LEKR1: variants seen among roughly 807,000 people sequenced by gnomAD.
LEKR1 encodes the protein leucine, glutamate and lysine rich 1.
Under a neutral mutation model 72.4 loss-of-function variants are expected in LEKR1, and 59 were observed. The observed-to-expected ratio is 0.82, with a 90% CI of 0.66 to 1.01. The LOEUF (loss-of-function observed/expected upper bound fraction) is 1.01. Among genes scored for constraint, LEKR1 ranks in the 50% least tolerant of loss-of-function variants. LEKR1 has a pLI of 0.00. For synonymous variants in LEKR1, 257 were observed against 263.2 expected, an observed-to-expected ratio of 0.98 and a Z score of 0.23; for missense variants, 728 against 759.2, an observed-to-expected ratio of 0.96 and a Z score of 0.48.
intron 3 of LEKR1, among the ~76,000 whole-genome samples, chr3:156,875,823 G>A (rs753212120): frequency 9.2e-5 from 14 of 151,688 alleles, no homozygotes; most frequent in South Asian, 2.1e-4. Context: ...GTGAAACCCC[G>A]TCTCTACTAA....
At chr3:156,973,864 G>C (rs1729461446) in intron 6 of LEKR1, among the ~76,000 whole-genome samples, 1 of 152,112 alleles carries the variant, frequency 6.6e-6, no homozygotes, top group Non-Finnish European at 1.5e-5. Context: ...AAAAATAGCT[G>C]TTTCTAATGA....
At chr3:156,923,957 G>A (rs1235732555) in intron 4 of LEKR1, among the ~76,000 whole-genome samples, 3 of 152,168 alleles carry the variant, frequency 2.0e-5, no homozygotes, top group Non-Finnish European at 4.4e-5. Context: ...TCAATCTCTT[G>A]ACCTCATGAT....
chr3:157,044,312 A>G (rs1288373020), intron 12 of LEKR1, among the ~76,000 whole-genome samples: 2 of 152,266 alleles, frequency 1.3e-5, no homozygotes, highest in African/African-American at 4.8e-5. Flanking sequence ...CATGAATGTC[A>G]GGACACTGGG....
intron 3 of LEKR1, among the ~76,000 whole-genome samples, chr3:156,882,523 G>T (rs891094922): frequency 3.3e-5 from 5 of 152,074 alleles, no homozygotes; most frequent in South Asian, 2.1e-4. Flanking sequence ...AGAGGATGTG[G>T]AGAAATAGGA....
At chr3:156,909,903 CAT>C (rs1233172396) in intron 3 of LEKR1, among the ~76,000 whole-genome samples, 1 of 151,760 alleles carries the variant, frequency 6.6e-6, no homozygotes, top group Admixed American at 6.6e-5. Context: ...TTAACACTAA[CAT>C]ATATATGTTA....
intron 3 of LEKR1, among the ~76,000 whole-genome samples, chr3:156,881,026 A>G (rs1719266523): frequency 1.3e-5 from 2 of 152,306 alleles, no homozygotes; most frequent in African/African-American, 2.4e-5. Context: ...ATCTATGACA[A>G]ACCCACAGCC....
intron 10 of LEKR1, among the ~76,000 whole-genome samples, chr3:157,023,638 C>T (rs1205919380): frequency 3.3e-5 from 5 of 152,098 alleles, no homozygotes; most frequent in Admixed American, 1.3e-4. Context: ...TAAGGGAACT[C>T]GTTATAACCC....
At chr3:156,915,123 T>G (rs1453158357) in intron 3 of LEKR1, among the ~76,000 whole-genome samples, 2 of 152,078 alleles carry the variant, frequency 1.3e-5, no homozygotes, top group Non-Finnish European at 2.9e-5. Context: ...CATGATCTCA[T>G]TCTTTTTTTA....
At chr3:156,903,740 A>G (rs1247106945) in intron 3 of LEKR1, among the ~76,000 whole-genome samples, 1 of 152,236 alleles carries the variant, frequency 6.6e-6, no homozygotes, top group Non-Finnish European at 1.5e-5. Context: ...CATAGCAGGA[A>G]AAGTGGTTGT....
chr3:156,935,472 A>G (rs899998292), intron 5 of LEKR1, among the ~76,000 whole-genome samples: 2 of 152,196 alleles, frequency 1.3e-5, no homozygotes, highest in Non-Finnish European at 2.9e-5. Context: ...TTGCCTTTTT[A>G]ACAGTTTCTT....
intron 3 of LEKR1, among the ~76,000 whole-genome samples, chr3:156,898,534 T>G (rs1422771065): frequency 1.3e-5 from 2 of 152,166 alleles, no homozygotes; most frequent in Non-Finnish European, 2.9e-5. Context: ...GGCACCTTGA[T>G]CTTGGACTTC....
In LEKR1 at chr3:157,045,722, T is replaced by C. The variant is rs1190991811; in HGVS notation, c.2051T>C (p.Ile684Thr). 35 of 1,611,098 alleles carry C rather than the reference T, an allele frequency of 2.2e-5. No homozygotes were observed. The highest frequency in any genetic ancestry group is 2.8e-5 in the Non-Finnish European group (33 of 1,179,988). The change falls in exon 13 of 13, where the codon ATT becomes ACT. Residue 684 changes from isoleucine (I) to threonine (T), a missense_variant. By Grantham distance (89) the Ile-to-Thr change is moderately conservative. Transcript: ENST00000356539. ...GAGACTAGACAGAGACTGGCTGCCA[T>C]TCTTAGGAGAAGGCGGAGTCAGCAA... ...ANETRQRLAA[I>T]LRRRRSQQ
intron 4 of LEKR1, among the ~76,000 whole-genome samples, chr3:156,927,143 A>T (rs1324396482): frequency 6.6e-6 from 1 of 151,942 alleles, no homozygotes; most frequent in Non-Finnish European, 1.5e-5. Flanking sequence ...GGTTGAATAA[A>T]AAAAGATTAA....
intron 3 of LEKR1, among the ~76,000 whole-genome samples, chr3:156,877,090 A>T (rs956131002): frequency 4.0e-5 from 6 of 151,524 alleles, no homozygotes; most frequent in South Asian, 2.1e-4. Flanking sequence ...CATGATTTTT[A>T]AAAAATTCTA....
At chr3:156,863,719 T>G (rs922538197) in intron 3 of LEKR1, among the ~76,000 whole-genome samples, 14 of 152,072 alleles carry the variant, frequency 9.2e-5, no homozygotes, top group African/African-American at 3.1e-4. Flanking sequence ...ATCAAATTCT[T>G]TATCTTTCTC....
At chr3:156,925,614 A>G (rs924132349) in intron 4 of LEKR1, among the ~76,000 whole-genome samples, 1 of 152,070 alleles carries the variant, frequency 6.6e-6, no homozygotes, top group African/African-American at 2.4e-5. Context: ...ATGATGCTTA[A>G]GTTTCAGAGT....
chr3:156,862,140 G>A (rs1716833017), intron 3 of LEKR1, among the ~76,000 whole-genome samples: 2 of 151,922 alleles, frequency 1.3e-5, no homozygotes, highest in South Asian at 2.1e-4. Context: ...AAAGCCCTTC[G>A]TGTATAATTA....
chr3:156,901,477 G>A (rs1413014234), intron 3 of LEKR1, among the ~76,000 whole-genome samples: 1 of 152,096 alleles, frequency 6.6e-6, no homozygotes, highest in Non-Finnish European at 1.5e-5. Context: ...GCCAGTTATG[G>A]TATCATGTAC....
At chr3:157,031,740 A>G (rs1734629076) in intron 12 of LEKR1, among the ~76,000 whole-genome samples, 1 of 152,164 alleles carries the variant, frequency 6.6e-6, no homozygotes, top group Non-Finnish European at 1.5e-5. Flanking sequence ...AAATAAATTA[A>G]TGGTCTAATA....
Sources: gnomAD v4.1 joint callset for allele counts (sites outside exome capture counted in the v4.1 genomes callset) on GRCh38, gnomAD v4.1.1 for gene constraint, MANE v1.5 for transcripts, NCBI Gene and HGNC (gene_info 2026-07-23, HGNC 2026-07-21) for gene names.